APBA1: variants seen among roughly 807,000 people sequenced by gnomAD.
The protein encoded by APBA1 is amyloid-beta A4 precursor protein-binding family A member 1.
In APBA1, 55 loss-of-function variants were observed where a neutral mutation model predicts 86.6. The ratio of observed to expected loss-of-function variants is 0.64; its 90% CI spans 0.51 to 0.80. The LOEUF (loss-of-function observed/expected upper bound fraction) is 0.80. Ranked by LOEUF, APBA1 falls within the 30% of genes least tolerant of loss-of-function variation. The probability of loss-of-function intolerance (pLI) is 0.00; values close to 1 mark genes in which losing one functional copy is unlikely to be tolerated. For synonymous variants in APBA1, 511 were observed against 493.9 expected (o/e 1.03, Z -0.46); for missense variants, 1,090 against 1,183.0 (o/e 0.92, Z 1.15).
chr9:69,506,008 G>A (rs1368104255), intron 2 of APBA1, among the ~76,000 whole-genome samples: 1 of 150,560 alleles, frequency 6.6e-6, no homozygotes, highest in East Asian at 1.9e-4. Flanking sequence ...AACAGAGCAA[G>A]ACTCCATCTA....
In APBA1 at chr9:69,494,211, G is replaced by A. The variant is rs529434785; in HGVS notation, c.1201-18068C>T. On this transcript the variant is annotated intron_variant, in intron 2 of 12. Coordinates refer to ENST00000265381, the MANE Select transcript of APBA1 (RefSeq NM_001163.4). ...ATATATATATTTATAATGGATTCAA[G>A]TAATACCAATGAAACATTTTGAGAT... 5.3e-5 allele frequency: 8 copies of A among 152,176 alleles called. No individual in the cohort carries two copies. In the East Asian group the frequency reaches 1.4e-3, roughly 26 times the overall value. The allele number at this position is 152,176 out of a possible 1,614,324, so 9.4% of individuals were successfully genotyped here. A position where few individuals can be genotyped will look rare whatever the true frequency, so the allele number is the denominator to read the frequency against.
chr9:69,523,466 T>C (rs889876085), intron 1 of APBA1, among the ~76,000 whole-genome samples: 1 of 86,726 alleles, frequency 1.2e-5, no homozygotes, highest in African/African-American at 5.3e-5. Flanking sequence ...TGTATGTGTA[T>C]ATATATATAT....
At chr9:69,603,000 C>T (rs938300592) in intron 1 of APBA1, among the ~76,000 whole-genome samples, 5 of 152,170 alleles carry the variant, frequency 3.3e-5, no homozygotes, top group Non-Finnish European at 5.9e-5. Context: ...GAATTTTCCC[C>T]TTTCTTTCCT....
rs879534013 is a variant in APBA1 at position 69,510,988 on chromosome 9, T to A, written c.1200+5023A>T. ...AAAACCCTAGAAGAAAACCTAGGCA[T>A]TACCATTCAGGACATAGGCATGGGC... On this transcript the variant is annotated intron_variant, in intron 2 of 12. Coordinates refer to ENST00000265381, the MANE Select transcript of APBA1 (RefSeq NM_001163.4). Among the ~76,000 whole-genome samples the A allele has an allele frequency of 5.7e-3, 851 of 150,000 alleles. 1 individual carries two copies. Among genetic ancestry groups the A allele is most frequent in the Non-Finnish European group, 9.2e-3 (619 of 67,562 alleles).
intron 1 of APBA1, among the ~76,000 whole-genome samples, chr9:69,650,341 T>C (rs1434988969): frequency 2.6e-5 from 4 of 152,248 alleles, no homozygotes; most frequent in African/African-American, 7.2e-5. Flanking sequence ...ACATTTGCCA[T>C]GTTATTGTTA....
chr9:69,560,693 T>C (rs1836934305), intron 1 of APBA1, among the ~76,000 whole-genome samples: 1 of 152,158 alleles, frequency 6.6e-6, no homozygotes, highest in Non-Finnish European at 1.5e-5. Flanking sequence ...GTGTTTGGGA[T>C]CTTAAATTTT....
chr9:69,598,714 T>A (rs548322351), intron 1 of APBA1, among the ~76,000 whole-genome samples: 3 of 152,094 alleles, frequency 2.0e-5, no homozygotes, highest in Non-Finnish European at 4.4e-5. Context: ...CTTGTAGGAA[T>A]AGGAAGCAAG....
intron 1 of APBA1, among the ~76,000 whole-genome samples, chr9:69,571,116 T>G (rs2133948078): frequency 6.6e-6 from 1 of 152,308 alleles, no homozygotes; most frequent in Non-Finnish European, 1.5e-5. Flanking sequence ...ACACAACTTT[T>G]ATTATCAACT....
chr9:69,512,564 G>A (rs1014483863), intron 2 of APBA1, among the ~76,000 whole-genome samples: 4 of 152,140 alleles, frequency 2.6e-5, no homozygotes, highest in African/African-American at 4.8e-5. Flanking sequence ...CAGGTCTGCT[G>A]ACCATAATCA....
At chr9:69,610,053 G>A (rs901134618) in intron 1 of APBA1, among the ~76,000 whole-genome samples, 2 of 152,174 alleles carry the variant, frequency 1.3e-5, no homozygotes, top group Non-Finnish European at 2.9e-5. Context: ...TGCAGTGGCT[G>A]ATGCATGTAA....
At position 69,496,392 on chromosome 9, in the gene APBA1, GA is replaced by G. The variant is rs1384647495; in HGVS notation, c.1200+19618del. Among the ~76,000 whole-genome samples the G allele has an allele frequency of 7.2e-5, 11 of 152,082 alleles. No individual in the cohort carries two copies. In the East Asian group the frequency reaches 1.9e-3, roughly 27 times the overall value. ...TGTGCTATGATAGGACCAAAAGGTA[GA>G]AAAAAAGAGACACAAAGGGCCTGTG... On this transcript the variant is annotated intron_variant, in intron 2 of 12. Coordinates refer to ENST00000265381, the MANE Select transcript of APBA1 (RefSeq NM_001163.4).
chr9:69,620,246 C>T (rs984503002), intron 1 of APBA1, among the ~76,000 whole-genome samples: 5 of 152,180 alleles, frequency 3.3e-5, no homozygotes, highest in East Asian at 1.9e-4. Context: ...AAATTCTAGC[C>T]GCATTTTCCC....
intron 1 of APBA1, among the ~76,000 whole-genome samples, chr9:69,667,295 T>A (rs1265362321): frequency 6.6e-6 from 1 of 152,170 alleles, no homozygotes; most frequent in Non-Finnish European, 1.5e-5. Flanking sequence ...ACTTAAGTAG[T>A]TGTCAAACTC....
chr9:69,558,645 T>A (rs537818674), intron 1 of APBA1, among the ~76,000 whole-genome samples: 1 of 151,966 alleles, frequency 6.6e-6, no homozygotes, highest in East Asian at 1.9e-4. Context: ...GTTATGCAGG[T>A]AAATTCATGT....
In APBA1 at chr9:69,566,813, C is replaced by A. The variant is rs547558184; in HGVS notation, c.-69-49534G>T. ...CTCAGCTGTCCCCTACCTGCCCCAC[C>A]CCACCCACCATCACACACAACTCCC... is the stretch of plus-strand genomic sequence containing the variant. On this transcript the variant is annotated intron_variant, in intron 1 of 12. Transcript: ENST00000265381. Among the ~76,000 whole-genome samples, 9 of 152,238 alleles carry A rather than the reference C, an allele frequency of 5.9e-5. No individual in the cohort carries two copies. In the South Asian group the frequency reaches 1.9e-3, roughly 32 times the overall value.
rs545239952 is a variant in APBA1, at chr9:69,483,119, TAAAA to T, written c.1201-6980_1201-6977del. 6.3e-5 allele frequency among the ~76,000 whole-genome samples: 2 copies of T among 31,786 alleles called. 1 individual carries two copies. Among genetic ancestry groups the T allele is most frequent in the East Asian group, 1.2e-3 (2 of 1,636 alleles). 20.9% of individuals were successfully genotyped at this position (31,786 alleles called of 152,430 possible). On this transcript the variant is annotated intron_variant, in intron 2 of 12. Coordinates refer to ENST00000265381, the MANE Select transcript of APBA1 (RefSeq NM_001163.4). Reference sequence around the variant, plus strand: ...ATGTACCCTAAAACTTAAAGTATAATAAAAAAAAAATTAAGTCAAAAAAACAAAA... The same window carrying T: ...ATGTACCCTAAAACTTAAAGTATAATAAAAAATTAAGTCAAAAAAACAAAA...
intron 10 of APBA1, among the ~76,000 whole-genome samples, chr9:69,447,121 C>G (rs1834923445): frequency 6.6e-6 from 1 of 152,118 alleles, no homozygotes; most frequent in African/African-American, 2.4e-5. Flanking sequence ...GCTGGGGTCC[C>G]TTTTTTAAGG....
chr9:69,657,012 A>AT (rs1341546950), intron 1 of APBA1, among the ~76,000 whole-genome samples: 1 of 151,780 alleles, frequency 6.6e-6, no homozygotes, highest in Non-Finnish European at 1.5e-5. Flanking sequence ...CGCCCGGCTA[A>AT]TTTTTTGTAT....
intron 1 of APBA1, among the ~76,000 whole-genome samples, chr9:69,599,719 G>A (rs1357639681): frequency 1.3e-5 from 2 of 152,150 alleles, no homozygotes; most frequent in East Asian, 1.9e-4. Flanking sequence ...CAGACACTAT[G>A]CAGACCTCCT....
Sources: allele counts gnomAD v4.1 joint callset (sites outside exome capture counted in the v4.1 genomes callset), GRCh38; gene constraint gnomAD v4.1.1; transcripts MANE v1.5; gene names NCBI Gene and HGNC (gene_info 2026-07-23, HGNC 2026-07-21).